The following SLC9A8 variants were observed in gnomAD, a reference collection of about 807,000 sequenced individuals.
SLC9A8 encodes the protein solute carrier family 9 member A8.
In SLC9A8, 48 loss-of-function variants were observed where a neutral mutation model predicts 66.6. That is an observed-to-expected ratio of 0.72 (90% CI 0.57 to 0.92). SLC9A8 has a LOEUF of 0.92. SLC9A8 is among the 40% of genes least tolerant of loss of function. The pLI, the probability that SLC9A8 is intolerant of heterozygous loss-of-function variation, is 0.00. For synonymous variants in SLC9A8, 274 were observed against 282.6 expected (o/e 0.97, Z 0.31); for missense variants, 599 against 747.3 (o/e 0.80, Z 2.31).
intron 3 of SLC9A8, chr20:49,829,875 CT>C (rs2146504259): frequency 1.8e-6 from 1 of 568,290 alleles, no homozygotes; most frequent in South Asian, 1.4e-5. Flanking sequence ...AAGGGGGTGT[CT>C]TCGGGCTCTT....
intron 5 of SLC9A8, among the ~76,000 whole-genome samples, chr20:49,846,174 T>C (rs1256920698): frequency 2.0e-5 from 3 of 152,220 alleles, no homozygotes; most frequent in Non-Finnish European, 4.4e-5. Flanking sequence ...CAGGAGCTTC[T>C]CACTTTTAAG....
intron 3 of SLC9A8, among the ~76,000 whole-genome samples, chr20:49,833,353 G>A (rs1024748437): frequency 1.3e-5 from 2 of 152,166 alleles, no homozygotes; most frequent in African/African-American, 4.8e-5. Context: ...ATGAACACTT[G>A]TCTTTCAGAA....
chr20:49,815,002 C>A lies in SLC9A8; in HGVS notation c.27-6C>A. On this transcript the variant is annotated splice_polypyrimidine_tract_variant and splice_region_variant and intron_variant, in intron 1 of 15. Coordinates refer to ENST00000361573, the MANE Select transcript of SLC9A8 (RefSeq NM_015266.3). The stretch of plus-strand genomic sequence containing the variant: ...ATTATCTAATTATGCTTTCTATGTC[C>A]TCCAGGAGGTTCCCCAATACAACTC... The A allele has an allele frequency of 6.5e-7, 1 of 1,539,436 alleles. No individual in the cohort carries two copies. Among genetic ancestry groups the A allele is most frequent in the South Asian group, 1.2e-5 (1 of 82,532 alleles).
Position 49,886,914 on chromosome 20 carries a change from G to C in SLC9A8, c.1638+16G>C. On this transcript the variant is annotated intron_variant, in intron 15 of 15. Coordinates refer to ENST00000361573, the MANE Select transcript of SLC9A8 (RefSeq NM_015266.3). The surrounding 1 kb of genome is among the most constrained non-coding windows in gnomAD (Gnocchi z 4.8). ...GACGCAGGAGGTGGGATACCGGCCA[G>C]GCCACACTTTCTGGGGGTCCCTTGC... The C allele has an allele frequency of 6.2e-7, 1 of 1,609,826 alleles. No individual in the cohort carries two copies. Among genetic ancestry groups the C allele is most frequent in the Non-Finnish European group, 8.5e-7 (1 of 1,177,248 alleles).
At chr20:49,828,517 C>G (rs900824136) in intron 3 of SLC9A8, among the ~76,000 whole-genome samples, 3 of 150,212 alleles carry the variant, frequency 2.0e-5, no homozygotes, top group African/African-American at 7.3e-5. Flanking sequence ...GCCACTGTGC[C>G]TGGCCAAAAA....
chr20:49,860,687 C>G (rs1316587114), intron 8 of SLC9A8, among the ~76,000 whole-genome samples: 1 of 152,142 alleles, frequency 6.6e-6, no homozygotes. Context: ...CACCACTGCA[C>G]TCCAGCCTGA....
At chr20:49,875,243 A>G (rs1271874902) in intron 11 of SLC9A8, among the ~76,000 whole-genome samples, 1 of 151,452 alleles carries the variant, frequency 6.6e-6, no homozygotes, top group Non-Finnish European at 1.5e-5. Flanking sequence ...ACTTGAGCCC[A>G]GGAGTTCAAG....
Position 49,849,067 on chromosome 20 carries a change from T to C in SLC9A8, c.433-512T>C, listed in dbSNP as rs1264121173. Among the ~76,000 whole-genome samples the C allele has an allele frequency of 2.6e-5, 4 of 152,132 alleles. No individual in the cohort carries two copies. In the East Asian group the frequency reaches 7.7e-4, roughly 29 times the overall value. ...CTAGGATCTGGGAAGAGTTGAAATG[T>C]CCTGAGATCTTGGGATGATGAAAGC... On this transcript the variant is annotated intron_variant, in intron 5 of 15. Coordinates refer to ENST00000361573, the MANE Select transcript of SLC9A8 (RefSeq NM_015266.3).
chr20:49,844,715 A>G (rs966822383), intron 4 of SLC9A8, among the ~76,000 whole-genome samples: 3 of 150,988 alleles, frequency 2.0e-5, no homozygotes, highest in African/African-American at 7.3e-5. Context: ...TGAGAGGATC[A>G]CTTGAGCCCA....
chr20:49,883,878 C>G lies in SLC9A8; in HGVS notation c.1303C>G (p.Leu435Val), dbSNP rs1193618894. ...LRGAIPYALS[L>V]HLDLEPMEKR... The stretch of plus-strand genomic sequence containing the variant: ...GGGAGCCATCCCCTATGCCCTGAGC[C>G]TACACCTGGACCTGGAGCCCATGGA... The change falls in exon 14 of 16, where the codon CTA becomes GTA. Residue 435 changes from leucine to valine, a missense_variant. This residue lies in a region of SLC9A8 where 467 missense variants were observed against 626.5 expected (regional missense o/e 0.75). Coordinates refer to ENST00000361573, the MANE Select transcript of SLC9A8 (RefSeq NM_015266.3). The G allele has an allele frequency of 1.2e-6, 2 of 1,609,022 alleles. No homozygotes were observed. Among genetic ancestry groups the G allele is most frequent in the South Asian group, 2.2e-5 (2 of 91,086 alleles).
chr20:49,884,782 A>G (rs1346077391), intron 14 of SLC9A8, among the ~76,000 whole-genome samples: 1 of 152,048 alleles, frequency 6.6e-6, no homozygotes, highest in East Asian at 1.9e-4. Context: ...TTCTTCCTAC[A>G]AGCCACCGCC....
At chr20:49,830,480 C>T in intron 3 of SLC9A8, 2 of 799,706 alleles carry the variant, frequency 2.5e-6, no homozygotes, top group Admixed American at 1.9e-5. Flanking sequence ...AAGGGATCTG[C>T]CCTGGAAAGT....
At chr20:49,850,872 G>T in intron 7 of SLC9A8, 28 bp downstream of exon 7, 1 of 1,544,456 alleles carries the variant, frequency 6.5e-7, no homozygotes. Context: ...TAACACCCAT[G>T]CGACTGCTTT....
intron 5 of SLC9A8, among the ~76,000 whole-genome samples, chr20:49,846,700 G>C (rs972610380): frequency 5.9e-5 from 9 of 152,030 alleles, no homozygotes; most frequent in Admixed American, 2.0e-4. Context: ...GATCACTTGA[G>C]GCCAGGAGTT....
chr20:49,829,534 A>AG (rs200687700), intron 3 of SLC9A8: 2 of 287,252 alleles, frequency 7.0e-6, no homozygotes, highest in Admixed American at 4.8e-5. Context: ...AAAAAAAAAA[A>AG]GAACCTCATG....
intron 3 of SLC9A8, among the ~76,000 whole-genome samples, chr20:49,834,365 CTGTGT>C (rs2087393646): frequency 4.7e-5 from 2 of 43,000 alleles, no homozygotes; most frequent in East Asian, 9.0e-4. Context: ...TATATATATA[CTGTGT>C]ATATATATAT....
intron 2 of SLC9A8, among the ~76,000 whole-genome samples, chr20:49,820,388 C>T (rs535725958): frequency 3.9e-4 from 59 of 151,666 alleles, no homozygotes; most frequent in South Asian, 3.1e-3. Context: ...CCCAGCTATT[C>T]GGGAGGCTGA....
intron 3 of SLC9A8, among the ~76,000 whole-genome samples, chr20:49,827,123 G>A (rs919771222): frequency 1.3e-5 from 2 of 151,338 alleles, no homozygotes; most frequent in Non-Finnish European, 2.9e-5. Context: ...TGTATTTTTA[G>A]TGGAGACAGG....
Position 49,823,045 on chromosome 20 carries a change from A to C in SLC9A8, c.209-16A>C. ...AGTGTTTTTTTTAAAACATTGTATT[A>C]TTTTTTTTTCCACAGCTATCTGCAT... On this transcript the variant is annotated splice_polypyrimidine_tract_variant and intron_variant, in intron 2 of 15. Coordinates refer to ENST00000361573, the MANE Select transcript of SLC9A8 (RefSeq NM_015266.3). The C allele has an allele frequency of 1.3e-6, 2 of 1,561,922 alleles. No individual in the cohort carries two copies. The highest frequency in any genetic ancestry group is 2.2e-5 in the South Asian group (2 of 89,292).
Sources: allele counts gnomAD v4.1 joint callset (sites outside exome capture counted in the v4.1 genomes callset), GRCh38; gene constraint gnomAD v4.1.1; regional missense constraint gnomAD v4.1.1; non-coding constraint Gnocchi (gnomAD v3.1); transcripts MANE v1.5; gene names NCBI Gene and HGNC (gene_info 2026-07-23, HGNC 2026-07-21).